The following THBS2 variants were observed in gnomAD, a reference collection of about 807,000 sequenced individuals.
THBS2 encodes thrombospondin-2.
In THBS2, 47 loss-of-function variants were observed where a neutral mutation model predicts 135.2. The observed-to-expected ratio is 0.35, with a 90% confidence interval of 0.28 to 0.44. The LOEUF is 0.44. THBS2 is among the 20% of genes least tolerant of loss of function. The probability of loss-of-function intolerance (pLI) is 1.00; values close to 1 mark genes in which losing one functional copy is unlikely to be tolerated. For synonymous variants in THBS2, 639 were observed against 633.8 expected, an observed-to-expected ratio of 1.01 and a Z score of -0.12; for missense variants, 1,288 against 1,603.1, an observed-to-expected ratio of 0.80 and a Z score of 3.36.
At chr6:169,247,863 C>T (rs1224942215) in intron 3 of THBS2, among the ~76,000 whole-genome samples, 1 of 150,896 alleles carries the variant, frequency 6.6e-6, no homozygotes, top group African/African-American at 2.4e-5. Flanking sequence ...GGTGTGTGCA[C>T]GTGTGTGCAT....
chr6:169,241,840 C>A lies in THBS2; in HGVS notation c.813G>T (p.Glu271Asp). Residue 271 changes from glutamate to aspartate, a missense_variant, in exon 5 of 22, where the codon GAG becomes GAT. By Grantham distance (45) the Glu-to-Asp change is conservative. Coordinates refer to ENST00000617924, the MANE Select transcript of THBS2 (RefSeq NM_003247.5). The surrounding 1 kb of genome is among the most constrained non-coding windows in gnomAD (Gnocchi z 5.5). ...RRPEVCERSC[E>D]ELGNMVQELS... ...GCTCCTGGACCATGTTTCCCAGCTC[C>A]TCGCACGAGCGTTCGCACACCTCGG... The A allele has an allele frequency of 6.2e-7, 1 of 1,612,766 alleles. No homozygotes were observed. Among genetic ancestry groups the A allele is most frequent in the African/African-American group, 1.3e-5 (1 of 75,050 alleles).
chr6:169,242,456 G>A (rs1316465557), intron 4 of THBS2, among the ~76,000 whole-genome samples: 2 of 151,584 alleles, frequency 1.3e-5, no homozygotes, highest in Non-Finnish European at 2.9e-5. Context: ...CTTTCTTATG[G>A]CTCCTTGCTC....
intron 5 of THBS2, among the ~76,000 whole-genome samples, chr6:169,240,926 T>C (rs1780266649): frequency 6.6e-6 from 1 of 152,214 alleles, no homozygotes; most frequent in South Asian, 2.1e-4. Flanking sequence ...GGGTGGGAAC[T>C]AGGTCCCCAG....
intron 7 of THBS2, 139 bp downstream of exon 7, chr6:169,239,460 G>A (rs1014245323): frequency 1.1e-5 from 8 of 726,010 alleles, no homozygotes; most frequent in Non-Finnish European, 1.6e-5. Flanking sequence ...GTGGCCTGGG[G>A]TGGCCCTCTG....
intron 9 of THBS2, among the ~76,000 whole-genome samples, chr6:169,236,114 A>G (rs1462754108): frequency 2.4e-5 from 2 of 83,356 alleles, no homozygotes; most frequent in Non-Finnish European, 4.6e-5. Context: ...CCCCATCCAC[A>G]CTCATTCCCC....
Position 169,216,418 on chromosome 6 carries a change from A to AAACC in THBS2, c.*1400_*1403dup, listed in dbSNP as rs554207996. 1.1e-5 allele frequency: 1 copy of AAACC among 94,540 alleles called. No homozygotes were observed. Among genetic ancestry groups the AAACC allele is most frequent in the African/African-American group, 4.2e-5 (1 of 23,534 alleles). The allele number at this position is 94,540 out of a possible 1,614,324, so 5.9% of individuals were successfully genotyped here. A position where few individuals can be genotyped will look rare whatever the true frequency, so the allele number is the denominator to read the frequency against. ...ATCATGCAACTTAAAGCAAAAAAACAAACCAACCAACAAAAAAAACAAAAA... is the reference window on the plus strand; with the variant it reads ...ATCATGCAACTTAAAGCAAAAAAACAAACCAACCAACCAACAAAAAAAACAAAAA... On this transcript the variant is annotated 3_prime_UTR_variant, in exon 22 of 22. Transcript: ENST00000617924.
rs1398042942 is a variant in THBS2, at chr6:169,225,319, C to T, written c.2599G>A (p.Asp867Asn). 6.3e-7 allele frequency: 1 copy of T among 1,578,100 alleles called. No individual in the cohort carries two copies. Among genetic ancestry groups the T allele is most frequent in the Admixed American group, 1.9e-5 (1 of 53,542 alleles). ...TTGTCCTGGTTGTTCTGGTGGCCGT[C>T]GTCATCTATGTCCTCGTTGTTGTCA... The part of the protein sequence containing the change: ...QCDNNEDIDD[D>N]GHQNNQDNCP... The change falls in exon 17 of 22, where the codon GAC becomes AAC. Residue 867 changes from aspartate (D) to asparagine (N), a missense_variant. By Grantham distance (23) the Asp-to-Asn change is conservative. Coordinates refer to ENST00000617924, the MANE Select transcript of THBS2 (RefSeq NM_003247.5).
At chr6:169,226,131 G>A (rs746778302) in intron 16 of THBS2, 49 bp downstream of exon 16, 78 of 1,502,148 alleles carry the variant, frequency 5.2e-5, no homozygotes, top group African/African-American at 1.5e-4. Flanking sequence ...CCGTCCCCGC[G>A]TCCCTCTGAT....
At position 169,228,140 on chromosome 6, in the gene THBS2, C is replaced by T. The variant is rs754559562; in HGVS notation, c.2401G>A (p.Val801Met). The T allele has an allele frequency of 9.4e-5, 152 of 1,613,138 alleles. No homozygotes were observed. The highest frequency in any genetic ancestry group is 4.4e-4 in the South Asian group (40 of 90,970). ...CACCCACCGTCCCCATCAATGTCCACGGAGCAGGCGTCACCCTCTCCATTG... is the reference window on the plus strand; with the variant it reads ...CACCCACCGTCCCCATCAATGTCCATGGAGCAGGCGTCACCCTCTCCATTG... ...DNNGEGDACS[V>M]DIDGDDVFNE... Residue 801 changes from valine (V) to methionine (M), a missense_variant, in exon 15 of 22, where the codon GTG becomes ATG. Val to Met is a conservative substitution (Grantham distance 21, BLOSUM62 1). This residue lies in a region of THBS2 where 874 missense variants were observed against 1,156.1 expected (regional missense o/e 0.76). Transcript: ENST00000617924.
At chr6:169,228,025 G>A in intron 15 of THBS2, 97 bp downstream of exon 15, 1 of 1,424,348 alleles carries the variant, frequency 7.0e-7, no homozygotes, top group Non-Finnish European at 9.3e-7. Context: ...AGATCGCAGT[G>A]AGCCAAGATG....
intron 1 of THBS2, among the ~76,000 whole-genome samples, chr6:169,253,460 A>G (rs1335125933): frequency 6.6e-6 from 1 of 152,214 alleles, no homozygotes; most frequent in Non-Finnish European, 1.5e-5. Flanking sequence ...CACAACCCTC[A>G]GAGAGGAAGG....
chr6:169,243,011 A>AC (rs1327763318), intron 4 of THBS2, among the ~76,000 whole-genome samples: 2 of 66,866 alleles, frequency 3.0e-5, no homozygotes, highest in Non-Finnish European at 2.8e-5. Context: ...CCACCTTCCC[A>AC]CATTCCCACC....
chr6:169,242,632 CCA>C (rs1562363057), intron 4 of THBS2, among the ~76,000 whole-genome samples: 13 of 65,290 alleles, frequency 2.0e-4, no homozygotes, highest in South Asian at 6.4e-4. Flanking sequence ...CACCTTCCCA[CCA>C]CTCCCACCTT....
In THBS2 at chr6:169,252,804, C is replaced by T. The variant is rs1051444163; in HGVS notation, c.-23+920G>A. Reference sequence around the variant, plus strand: ...TTGTGTTTTTCCAAAAGAAAGATTTCGGTGCCTGTCTGCAGCAGAATGTAG... The same window carrying T: ...TTGTGTTTTTCCAAAAGAAAGATTTTGGTGCCTGTCTGCAGCAGAATGTAG... On this transcript the variant is annotated intron_variant, in intron 1 of 21. Transcript: ENST00000617924. This position sits in a 1 kb window ranked among gnomAD's most constrained non-coding sequence, Gnocchi z 4.3. Among the ~76,000 whole-genome samples the T allele has an allele frequency of 6.6e-6, 1 of 152,194 alleles. No individual in the cohort carries two copies. Among genetic ancestry groups the T allele is most frequent in the Non-Finnish European group, 1.5e-5 (1 of 68,038 alleles).
rs1779226239 is a variant in THBS2 at position 169,217,744 on chromosome 6, C to T, written c.*78G>A. ...AGGAGGTGCTGCTAGAGAGAGAAGC[C>T]ACAAGGACCACAATGAACTGAGGTG... On this transcript the variant is annotated 3_prime_UTR_variant, in exon 22 of 22. Coordinates refer to ENST00000617924, the MANE Select transcript of THBS2 (RefSeq NM_003247.5). The T allele has an allele frequency of 2.0e-6, 3 of 1,525,882 alleles. No individual in the cohort carries two copies. Among genetic ancestry groups the T allele is most frequent in the South Asian group, 1.2e-5 (1 of 83,532 alleles). 94.5% of individuals were successfully genotyped at this position (1,525,882 alleles called of 1,614,324 possible). A position where few individuals can be genotyped will look rare whatever the true frequency, so the allele number is the denominator to read the frequency against.
At chr6:169,238,678 A>C (rs1339064547) in intron 7 of THBS2, among the ~76,000 whole-genome samples, 1 of 152,222 alleles carries the variant, frequency 6.6e-6, no homozygotes, top group Non-Finnish European at 1.5e-5. Context: ...ACAGGCAATA[A>C]ATTTGAAACT....
rs190971003 is a variant in THBS2, at chr6:169,253,809, C to A, written c.-108G>T. The A allele has an allele frequency of 2.4e-4, 37 of 152,366 alleles. No homozygotes were observed. The highest frequency in any genetic ancestry group is 8.4e-4 in the African/African-American group (35 of 41,588). 9.4% of individuals were successfully genotyped at this position (152,366 alleles called of 1,614,324 possible). ...GCGCAGGCTCTGCTGGAGCGAGAGA[C>A]CGGCCCTGCAGTGCAGGATGCTCCG... is the stretch of plus-strand genomic sequence containing the variant. On this transcript the variant is annotated 5_prime_UTR_variant, in exon 1 of 22. Transcript: ENST00000617924.
intron 21 of THBS2, among the ~76,000 whole-genome samples, chr6:169,218,353 A>C (rs1779264915): frequency 8.5e-6 from 1 of 117,424 alleles, no homozygotes; most frequent in African/African-American, 3.6e-5. Context: ...GGTGGATGAG[A>C]TGAATTGATG....
intron 10 of THBS2, among the ~76,000 whole-genome samples, chr6:169,234,103 G>A (rs540402085): frequency 2.7e-5 from 4 of 150,168 alleles, no homozygotes; most frequent in African/African-American, 9.8e-5. Flanking sequence ...TACACACCAT[G>A]TTTCACAACA....
Sources: gnomAD v4.1 joint callset for allele counts (sites outside exome capture counted in the v4.1 genomes callset) on GRCh38, gnomAD v4.1.1 for gene constraint, gnomAD v4.1.1 regional missense constraint, Gnocchi (gnomAD v3.1) non-coding constraint, MANE v1.5 for transcripts, NCBI Gene and HGNC (gene_info 2026-07-23, HGNC 2026-07-21) for gene names.